The following RAD18 variants were observed in gnomAD, a reference collection of about 807,000 sequenced individuals.
The protein encoded by RAD18 is RAD18 E3 ubiquitin protein ligase.
Under a neutral mutation model 60.4 loss-of-function variants are expected in RAD18, and 47 were observed. That is an observed-to-expected ratio of 0.78 (90% CI 0.62 to 0.99). The LOEUF is 0.99. RAD18 is among the 50% of genes least tolerant of loss of function. The pLI, the probability that RAD18 is intolerant of heterozygous loss-of-function variation, is 0.00. For synonymous variants in RAD18, 225 were observed against 195.5 expected (o/e 1.15, Z -1.26); for missense variants, 640 against 593.3 (o/e 1.08, Z -0.82).
chr3:8,958,208 C>T (rs1392915260), intron 2 of RAD18, among the ~76,000 whole-genome samples: 1 of 152,198 alleles, frequency 6.6e-6, no homozygotes, highest in African/African-American at 2.4e-5. Flanking sequence ...AAAGCTACTA[C>T]CAACTAAAAC....
intron 10 of RAD18, among the ~76,000 whole-genome samples, chr3:8,900,297 C>A (rs1481186375): frequency 6.6e-6 from 1 of 152,122 alleles, no homozygotes; most frequent in African/African-American, 2.4e-5. Flanking sequence ...ATACCAGAAT[C>A]ACATTAAGAG....
chr3:8,953,241 T>C (rs1336398997), intron 2 of RAD18, among the ~76,000 whole-genome samples: 1 of 150,686 alleles, frequency 6.6e-6, no homozygotes, highest in Non-Finnish European at 1.5e-5. Flanking sequence ...TAATTGTACC[T>C]ATATAAGTAT....
intron 11 of RAD18, among the ~76,000 whole-genome samples, chr3:8,898,237 T>C (rs994031347): frequency 6.6e-6 from 1 of 152,078 alleles, no homozygotes; most frequent in Non-Finnish European, 1.5e-5. Context: ...CATTAAAAAA[T>C]AACAATTATA....
chr3:8,893,693 ATTT>A (rs71049754), intron 11 of RAD18, among the ~76,000 whole-genome samples: 1,282 of 104,728 alleles, frequency 0.012, 17 homozygotes, highest in African/African-American at 0.038. Context: ...AGCTTTTTTA[ATTT>A]TTTTTTTTTT....
chr3:8,881,782 A>G (rs1163404042), intron 12 of RAD18, among the ~76,000 whole-genome samples: 1 of 152,234 alleles, frequency 6.6e-6, no homozygotes, highest in Non-Finnish European at 1.5e-5. Flanking sequence ...AAAGCCAGAC[A>G]GTCTAACAAA....
intron 11 of RAD18, among the ~76,000 whole-genome samples, chr3:8,898,377 CATGCGTGT>C (rs767328803): frequency 1.1e-5 from 1 of 87,176 alleles, no homozygotes; most frequent in Non-Finnish European, 2.4e-5. Context: ...TGTGTGTGTG[CATGCGTGT>C]GTGTGTGTGT....
chr3:8,922,805 G>A (rs143919228), intron 7 of RAD18, among the ~76,000 whole-genome samples: 3,557 of 152,274 alleles, frequency 0.023, 133 homozygotes, highest in African/African-American at 0.08. Flanking sequence ...CAGGCAAACA[G>A]GGTCTGGAGT....
At position 8,915,623 on chromosome 3, in the gene RAD18, A is replaced by G. The variant is rs1395903718; in HGVS notation, c.890-1903T>C. Among the ~76,000 whole-genome samples the G allele has an allele frequency of 1.8e-4, 26 of 144,112 alleles. No individual in the cohort carries two copies. The Admixed American group carries it at 1.9e-3, about 10-fold the overall frequency. The allele number at this position is 144,112 out of a possible 152,430, so 94.5% of individuals were successfully genotyped here. A position where few individuals can be genotyped will look rare whatever the true frequency, so the allele number is the denominator to read the frequency against. ...TTTTGAGACTGAGTCTCGCTCTGTC[A>G]CCCAGGACGGAGTGCAGTGGCGCGA... On this transcript the variant is annotated intron_variant, in intron 7 of 12. Coordinates refer to ENST00000264926, the MANE Select transcript of RAD18 (RefSeq NM_020165.4).
intron 10 of RAD18, among the ~76,000 whole-genome samples, chr3:8,900,883 T>TACATA (rs1696029974): frequency 6.6e-6 from 1 of 152,188 alleles, no homozygotes; most frequent in Non-Finnish European, 1.5e-5. Flanking sequence ...ATATTGATGT[T>TACATA]CATAAATACA....
chr3:8,926,460 T>A (rs185272064), intron 7 of RAD18, among the ~76,000 whole-genome samples: 67 of 152,280 alleles, frequency 4.4e-4, no homozygotes, highest in African/African-American at 1.4e-3. Flanking sequence ...GAAGAATCAA[T>A]ATCATGAAAA....
At chr3:8,904,293 T>C (rs1006827389) in intron 9 of RAD18, among the ~76,000 whole-genome samples, 15 of 152,322 alleles carry the variant, frequency 9.8e-5, no homozygotes, top group Middle Eastern at 3.4e-3. Context: ...TTAGTTGTTT[T>C]TGAAAATTAT....
rs1338950243 is a variant in RAD18, at chr3:8,935,330, T to C, written c.889+541A>G. ...GTGCACTACACAGAATACTATCATT[T>C]TGTAAAAACAGTAATGAAAAGGATA... On this transcript the variant is annotated intron_variant, in intron 7 of 12. Transcript: ENST00000264926. Among the ~76,000 whole-genome samples the C allele has an allele frequency of 2.0e-5, 3 of 152,248 alleles. No individual in the cohort carries two copies. In the East Asian group the frequency reaches 5.8e-4, roughly 29 times the overall value.
At chr3:8,959,626 G>A (rs1365034865) in intron 1 of RAD18, among the ~76,000 whole-genome samples, 1 of 152,246 alleles carries the variant, frequency 6.6e-6, no homozygotes, top group Non-Finnish European at 1.5e-5. Flanking sequence ...GAAAGCAGAG[G>A]AAGGGAAAGT....
intron 7 of RAD18, among the ~76,000 whole-genome samples, chr3:8,920,292 A>AG (rs1940293871): frequency 6.6e-6 from 1 of 151,598 alleles, no homozygotes; most frequent in Non-Finnish European, 1.5e-5. Context: ...AAAAAAAAAA[A>AG]AAAAAAGAAA....
chr3:8,902,951 G>T lies in RAD18; in HGVS notation c.1028-431C>A, dbSNP rs564800064. ...TGAGGCACAAGAGTCACTTGAACCT[G>T]GGAGGCAGAGGTTTCAGTGACCCGA... is the stretch of plus-strand genomic sequence containing the variant. On this transcript the variant is annotated intron_variant, in intron 9 of 12. Coordinates refer to ENST00000264926, the MANE Select transcript of RAD18 (RefSeq NM_020165.4). Among the ~76,000 whole-genome samples, 8 of 152,004 alleles carry T rather than the reference G, an allele frequency of 5.3e-5. No individual in the cohort carries two copies. The East Asian group carries it at 1.4e-3, about 26-fold the overall frequency.
chr3:8,890,743 C>G (rs531290261), intron 11 of RAD18, among the ~76,000 whole-genome samples: 99 of 152,244 alleles, frequency 6.5e-4, no homozygotes, highest in African/African-American at 2.1e-3. Flanking sequence ...GCCACCCCTA[C>G]TTCAACAGAA....
At chr3:8,886,279 G>A (rs924854371) in intron 12 of RAD18, among the ~76,000 whole-genome samples, 11 of 152,136 alleles carry the variant, frequency 7.2e-5, no homozygotes, top group African/African-American at 2.4e-4. Context: ...ATGTTGGCCA[G>A]TTGTTATGTC....
chr3:8,921,609 C>A (rs1022174432), intron 7 of RAD18, among the ~76,000 whole-genome samples: 70 of 152,088 alleles, frequency 4.6e-4, no homozygotes, highest in African/African-American at 1.6e-3. Flanking sequence ...CACTGCACTC[C>A]AACCTGGGTG....
chr3:8,935,526 T>C (rs1940634078), intron 7 of RAD18, among the ~76,000 whole-genome samples: 1 of 152,126 alleles, frequency 6.6e-6, no homozygotes, highest in Admixed American at 6.5e-5. Flanking sequence ...GGTACAGAGA[T>C]ATCAAGTAAC....
Sources: allele counts gnomAD v4.1 joint callset (sites outside exome capture counted in the v4.1 genomes callset), GRCh38; gene constraint gnomAD v4.1.1; transcripts MANE v1.5; gene names NCBI Gene and HGNC (gene_info 2026-07-23, HGNC 2026-07-21).